Variants in PRKN observed in about 807,000 individuals in gnomAD.
The protein encoded by PRKN is parkin RBR E3 ubiquitin protein ligase.
PRKN carries 56 observed loss-of-function variants against 59.5 expected under a neutral mutation model. The ratio of observed to expected loss-of-function variants is 0.94; its 90% confidence interval spans 0.76 to 1.18. The LOEUF is 1.18. Among genes scored for constraint, PRKN ranks in the 50% most tolerant of loss-of-function variants. The probability of loss-of-function intolerance (pLI) is 0.00; values close to 1 mark genes in which losing one functional copy is unlikely to be tolerated. For synonymous variants in PRKN, 250 were observed against 222.1 expected (o/e 1.13, Z -1.12); for missense variants, 657 against 596.4 (o/e 1.10, Z -1.06).
In PRKN at chr6:162,118,178, G is replaced by A. The variant is rs541460895; in HGVS notation, c.535-64004C>T. ...TGTAATGCCAGCACTTTGGGAGGCC[G>A]AGGCGGGTGGATCATGAGGTCAGGA... On this transcript the variant is annotated intron_variant, in intron 4 of 11. Coordinates refer to ENST00000366898, the MANE Select transcript of PRKN (RefSeq NM_004562.3). Among the ~76,000 whole-genome samples, 8 of 152,134 alleles carry A rather than the reference G, an allele frequency of 5.3e-5. No individual in the cohort carries two copies. The East Asian group carries it at 1.6e-3, about 30-fold the overall frequency.
At chr6:162,670,903 A>C (rs1779293424) in intron 1 of PRKN, among the ~76,000 whole-genome samples, 1 of 152,172 alleles carries the variant, frequency 6.6e-6, no homozygotes, top group Non-Finnish European at 1.5e-5. Flanking sequence ...ATTAATCCAT[A>C]AGCAAACTAC....
At chr6:162,646,665 G>C (rs1778198740) in intron 1 of PRKN, among the ~76,000 whole-genome samples, 1 of 152,082 alleles carries the variant, frequency 6.6e-6, no homozygotes, top group South Asian at 2.1e-4. Context: ...GTCATTAGGT[G>C]ATTTCATCAT....
intron 4 of PRKN, among the ~76,000 whole-genome samples, chr6:162,133,773 G>C (rs969023956): frequency 6.6e-6 from 1 of 152,052 alleles, no homozygotes; most frequent in Non-Finnish European, 1.5e-5. Flanking sequence ...TGCATTCGGC[G>C]GACTCTGATG....
intron 1 of PRKN, among the ~76,000 whole-genome samples, chr6:162,585,111 G>T (rs562889618): frequency 7.3e-5 from 11 of 151,264 alleles, no homozygotes; most frequent in African/African-American, 2.7e-4. Flanking sequence ...ATCTTGGCCA[G>T]GCTGGTCTTG....
chr6:162,591,683 T>G (rs140361436), intron 1 of PRKN, among the ~76,000 whole-genome samples: 1 of 152,098 alleles, frequency 6.6e-6, no homozygotes, highest in Non-Finnish European at 1.5e-5. Context: ...ATTGAATACA[T>G]TAAGAATTTA....
At chr6:161,767,785 G>T (rs1278945479) in intron 7 of PRKN, among the ~76,000 whole-genome samples, 1 of 151,754 alleles carries the variant, frequency 6.6e-6, no homozygotes, top group Non-Finnish European at 1.5e-5. Context: ...GGGGGTGTGG[G>T]GATGGGAGTG....
chr6:162,210,018 G>T (rs1335458397), intron 3 of PRKN, among the ~76,000 whole-genome samples: 1 of 151,872 alleles, frequency 6.6e-6, no homozygotes, highest in Non-Finnish European at 1.5e-5. Context: ...ATGATGAGTT[G>T]ATGGGTGCAG....
intron 10 of PRKN, among the ~76,000 whole-genome samples, chr6:161,365,965 C>A (rs57778962): frequency 0.072 from 11,033 of 152,222 alleles, 1,370 homozygotes; most frequent in African/African-American, 0.25. Context: ...TTTTCACCTG[C>A]AAGGATATGT....
At chr6:162,123,234 A>G (rs1334436909) in intron 4 of PRKN, among the ~76,000 whole-genome samples, 1 of 152,110 alleles carries the variant, frequency 6.6e-6, no homozygotes, top group Non-Finnish European at 1.5e-5. Context: ...GTACAAGTTA[A>G]TGAAAACTAT....
intron 7 of PRKN, among the ~76,000 whole-genome samples, chr6:161,670,317 T>C (rs1784863005): frequency 6.6e-6 from 1 of 152,080 alleles, no homozygotes; most frequent in Non-Finnish European, 1.5e-5. Flanking sequence ...AAACGCATCC[T>C]CTCGCAGTTC....
rs1245831792 is a variant in PRKN, at chr6:161,476,055, CGG to C, written c.1083+72797_1083+72798del. 2.0e-5 allele frequency among the ~76,000 whole-genome samples: 3 copies of C among 151,708 alleles called. No individual in the cohort carries two copies. The East Asian group carries it at 5.8e-4, about 29-fold the overall frequency. Reference sequence around the variant, plus strand: ...CAAAAAAATTAGCCGGGCGTGGTGGCGGGCGCCTGTAGTCCCAGCTACTCAGG... The same window carrying C: ...CAAAAAAATTAGCCGGGCGTGGTGGCGCGCCTGTAGTCCCAGCTACTCAGG... On this transcript the variant is annotated intron_variant, in intron 9 of 11. Coordinates refer to ENST00000366898, the MANE Select transcript of PRKN (RefSeq NM_004562.3).
rs1394304726 is a variant in PRKN at position 161,550,745 on chromosome 6, G to GTGTGTGTGTT, written c.934-1743_934-1742insAACACACACA. Among the ~76,000 whole-genome samples the GTGTGTGTGTT allele has an allele frequency of 6.6e-6, 1 of 151,578 alleles. No individual in the cohort carries two copies. Among genetic ancestry groups the GTGTGTGTGTT allele is most frequent in the Admixed American group, 6.6e-5 (1 of 15,218 alleles). ...GGTATGTGTGTGTGTGCACGTGTGT[G>GTGTGTGTGTT]TGTGTGTGTGTGTGTGTAGGGAGTT... is the stretch of plus-strand genomic sequence containing the variant. On this transcript the variant is annotated intron_variant, in intron 8 of 11. Transcript: ENST00000366898. The surrounding 1 kb of genome is among the most constrained non-coding windows in gnomAD (Gnocchi z 4.0).
In PRKN at chr6:161,480,166, C is replaced by T. The variant is rs1335583619; in HGVS notation, c.1083+68688G>A. ...TGAGATTTTGGAGTATTTATTATCA[C>T]TGCAGCGTTTCCTATCTGATCATGA... On this transcript the variant is annotated intron_variant, in intron 9 of 11. Transcript: ENST00000366898. This position sits in a 1 kb window ranked among gnomAD's most constrained non-coding sequence, Gnocchi z 4.1. 6.6e-6 allele frequency among the ~76,000 whole-genome samples: 1 copy of T among 152,210 alleles called. No homozygotes were observed. The highest frequency in any genetic ancestry group is 1.9e-4 in the East Asian group (1 of 5,198).
intron 6 of PRKN, among the ~76,000 whole-genome samples, chr6:161,791,671 T>C (rs1270904630): frequency 6.6e-6 from 1 of 152,234 alleles, no homozygotes; most frequent in Non-Finnish European, 1.5e-5. Flanking sequence ...ATCTAAGCTC[T>C]CAAGGACATA....
intron 7 of PRKN, among the ~76,000 whole-genome samples, chr6:161,693,555 T>A (rs187205131): frequency 2.1e-4 from 32 of 152,278 alleles, no homozygotes; most frequent in Middle Eastern, 3.4e-3. Flanking sequence ...AGGCCATAGC[T>A]CTGGGGTTCA....
At chr6:162,487,727 T>C (rs1391917546) in intron 1 of PRKN, among the ~76,000 whole-genome samples, 1 of 152,138 alleles carries the variant, frequency 6.6e-6, no homozygotes, top group Non-Finnish European at 1.5e-5. Context: ...ATTTGTTCTT[T>C]AAAAACATTT....
intron 9 of PRKN, among the ~76,000 whole-genome samples, chr6:161,512,527 G>C (rs928880037): frequency 6.6e-6 from 1 of 152,152 alleles, no homozygotes; most frequent in Non-Finnish European, 1.5e-5. Flanking sequence ...CATTTCTCAC[G>C]GTCAACAGAG....
At chr6:162,403,183 A>C (rs950104368) in intron 2 of PRKN, among the ~76,000 whole-genome samples, 15 of 152,258 alleles carry the variant, frequency 9.9e-5, no homozygotes, top group African/African-American at 3.1e-4. Flanking sequence ...CACAAGGCCC[A>C]ACACCATCTG....
At chr6:161,972,426 T>C (rs1780853105) in intron 6 of PRKN, among the ~76,000 whole-genome samples, 1 of 152,230 alleles carries the variant, frequency 6.6e-6, no homozygotes. Context: ...AATTGTACTC[T>C]GAATTGCCTA....
Sources: gnomAD v4.1 joint callset for allele counts (sites outside exome capture counted in the v4.1 genomes callset) on GRCh38, gnomAD v4.1.1 for gene constraint, Gnocchi (gnomAD v3.1) non-coding constraint, MANE v1.5 for transcripts, NCBI Gene and HGNC (gene_info 2026-07-23, HGNC 2026-07-21) for gene names.